Variants in LAMA2 observed in about 807,000 individuals in gnomAD.
LAMA2 encodes laminin subunit alpha 2, also known as laminin subunit alpha-2.
LAMA2 carries 269 observed loss-of-function variants against 364.8 expected under a neutral mutation model. The ratio of observed to expected loss-of-function variants is 0.74; its 90% CI spans 0.67 to 0.82. The LOEUF is 0.82. LAMA2 is among the 40% of genes least tolerant of loss of function. The pLI, the probability that LAMA2 is intolerant of heterozygous loss-of-function variation, is 0.00. For synonymous variants in LAMA2, 1,379 were observed against 1,370.6 expected (o/e 1.01, Z -0.14); for missense variants, 3,807 against 3,873.2 (o/e 0.98, Z 0.45).
intron 4 of LAMA2, among the ~76,000 whole-genome samples, chr6:129,133,867 A>G (rs1054135468): frequency 8.6e-5 from 13 of 151,130 alleles, no homozygotes; most frequent in African/African-American, 3.2e-4. Flanking sequence ...GAGACAATTC[A>G]ACACACACAC....
At chr6:128,911,693 T>C (rs146604592) in intron 1 of LAMA2, among the ~76,000 whole-genome samples, 2 of 152,260 alleles carry the variant, frequency 1.3e-5, no homozygotes, top group African/African-American at 4.8e-5. Flanking sequence ...AAATAAAGTT[T>C]TTTTACACAT....
intron 1 of LAMA2, among the ~76,000 whole-genome samples, chr6:128,964,233 T>G (rs1353121696): frequency 1.3e-5 from 2 of 152,120 alleles, no homozygotes; most frequent in Non-Finnish European, 2.9e-5. Flanking sequence ...ATATCTGACA[T>G]GGGAAAGGGA....
chr6:129,471,696 T>C (rs938180974), intron 51 of LAMA2, among the ~76,000 whole-genome samples: 3 of 151,984 alleles, frequency 2.0e-5, no homozygotes, highest in Non-Finnish European at 4.4e-5. Flanking sequence ...TATATGTGTA[T>C]GAAACTAATT....
intron 41 of LAMA2, among the ~76,000 whole-genome samples, chr6:129,435,324 C>T (rs1781781607): frequency 6.6e-6 from 1 of 152,156 alleles, no homozygotes; most frequent in Non-Finnish European, 1.5e-5. Flanking sequence ...AAAAGAGCAG[C>T]CCTTTATTCT....
At chr6:128,960,470 C>T (rs35955704) in intron 1 of LAMA2, among the ~76,000 whole-genome samples, 3 of 149,730 alleles carry the variant, frequency 2.0e-5, no homozygotes, top group Non-Finnish European at 4.4e-5. Context: ...CCACCCCGCC[C>T]CCGCCGACCC....
intron 12 of LAMA2, among the ~76,000 whole-genome samples, chr6:129,227,997 C>T (rs1402339461): frequency 6.6e-6 from 1 of 152,174 alleles, no homozygotes; most frequent in Non-Finnish European, 1.5e-5. Context: ...TTCCCAGCCA[C>T]AGTTTGTTTG....
chr6:128,892,571 G>GT (rs1385295919), intron 1 of LAMA2, among the ~76,000 whole-genome samples: 8 of 152,036 alleles, frequency 5.3e-5, no homozygotes. Context: ...TGAAGTATAT[G>GT]TTTTCATTGA....
At chr6:129,255,404 T>TTA (rs1355029872) in intron 14 of LAMA2, among the ~76,000 whole-genome samples, 218 of 19,980 alleles carry the variant, frequency 0.011, 7 homozygotes, top group Admixed American at 0.036. Context: ...AGACTCTGTC[T>TTA]CAAAAAAAAA....
intron 14 of LAMA2, among the ~76,000 whole-genome samples, chr6:129,255,404 T>TTAAAAAA (rs1355029872): frequency 1.0e-4 from 2 of 19,984 alleles, no homozygotes; most frequent in African/African-American, 1.3e-4. Context: ...AGACTCTGTC[T>TTAAAAAA]CAAAAAAAAA....
intron 12 of LAMA2, among the ~76,000 whole-genome samples, chr6:129,204,047 T>C (rs1423815805): frequency 6.6e-6 from 1 of 152,252 alleles, no homozygotes; most frequent in Non-Finnish European, 1.5e-5. Context: ...GTCACCTGTC[T>C]GACATAGTAT....
At chr6:129,266,827 A>C (rs930338828) in intron 15 of LAMA2, among the ~76,000 whole-genome samples, 4 of 151,978 alleles carry the variant, frequency 2.6e-5, no homozygotes, top group African/African-American at 9.7e-5. Flanking sequence ...TCACATTTCA[A>C]TTCTTTATAT....
intron 17 of LAMA2, among the ~76,000 whole-genome samples, chr6:129,275,001 A>G (rs1182290348): frequency 1.3e-5 from 2 of 152,008 alleles, no homozygotes; most frequent in Non-Finnish European, 2.9e-5. Context: ...TAGGACCTCA[A>G]TAAGTTCTAT....
At chr6:128,954,748 G>A (rs1781040630) in intron 1 of LAMA2, among the ~76,000 whole-genome samples, 2 of 151,782 alleles carry the variant, frequency 1.3e-5, no homozygotes, top group Non-Finnish European at 2.9e-5. Flanking sequence ...CATAGAGGGG[G>A]ATCTTTTTAA....
chr6:129,451,900 C>A (rs1782694694), intron 45 of LAMA2, among the ~76,000 whole-genome samples: 1 of 152,076 alleles, frequency 6.6e-6, no homozygotes, highest in African/African-American at 2.4e-5. Context: ...TCTGCACAGC[C>A]CTTTCATGGA....
chr6:129,253,115 GT>G (rs931285768), intron 14 of LAMA2, among the ~76,000 whole-genome samples: 2 of 151,754 alleles, frequency 1.3e-5, no homozygotes, highest in South Asian at 4.2e-4. Context: ...AGGCGGCTTT[GT>G]TTTTTTTATT....
At chr6:129,321,696 A>G (rs1774978354) in intron 28 of LAMA2, among the ~76,000 whole-genome samples, 1 of 152,212 alleles carries the variant, frequency 6.6e-6, no homozygotes, top group South Asian at 2.1e-4. Flanking sequence ...TTATTAATGT[A>G]ATCACTAGTT....
At chr6:129,212,005 A>G (rs181769607) in intron 12 of LAMA2, among the ~76,000 whole-genome samples, 1 of 152,374 alleles carries the variant, frequency 6.6e-6, no homozygotes, top group East Asian at 1.9e-4. Context: ...AAGAGAAAAT[A>G]CAGGTAAAAT....
chr6:129,220,284 A>C (rs1290469261), intron 12 of LAMA2, among the ~76,000 whole-genome samples: 3 of 152,226 alleles, frequency 2.0e-5, no homozygotes, highest in Non-Finnish European at 2.9e-5. Flanking sequence ...AATATTAACT[A>C]CACAAAGATA....
intron 18 of LAMA2, among the ~76,000 whole-genome samples, chr6:129,285,020 GAGAGGGC>G (rs1789003584): frequency 6.6e-6 from 1 of 152,112 alleles, no homozygotes; most frequent in Non-Finnish European, 1.5e-5. Context: ...ATATGAAAAT[GAGAGGGC>G]TTGACATTTC....
Sources: allele counts gnomAD v4.1 joint callset (sites outside exome capture counted in the v4.1 genomes callset), GRCh38; gene constraint gnomAD v4.1.1; transcripts MANE v1.5; gene names NCBI Gene and HGNC (gene_info 2026-07-23, HGNC 2026-07-21).